AFG3L2: variants seen among roughly 807,000 people sequenced by gnomAD.
The protein encoded by AFG3L2 is AFG3 like matrix AAA peptidase subunit 2.
In AFG3L2, 54 loss-of-function variants were observed where a neutral mutation model predicts 94.5. That is an observed-to-expected ratio of 0.57 (90% CI 0.46 to 0.72). The LOEUF is 0.72. Ranked by LOEUF, AFG3L2 falls within the 30% of genes least tolerant of loss-of-function variation. The probability of loss-of-function intolerance (pLI) is 0.00; values close to 1 mark genes in which losing one functional copy is unlikely to be tolerated. For synonymous variants in AFG3L2, 377 were observed against 365.5 expected (o/e 1.03, Z -0.36); for missense variants, 754 against 994.9 (o/e 0.76, Z 3.26).
intron 13 of AFG3L2, among the ~76,000 whole-genome samples, chr18:12,346,918 A>G (rs1908157589): frequency 1.3e-5 from 2 of 148,468 alleles, no homozygotes; most frequent in African/African-American, 5.0e-5. Context: ...AAAAAAAAAA[A>G]AAAAAAAAAG....
Position 12,367,047 on chromosome 18 carries a change from A to C in AFG3L2, c.470T>G (p.Val157Gly). The C allele has an allele frequency of 6.2e-7, 1 of 1,614,038 alleles. No individual in the cohort carries two copies. The highest frequency in any genetic ancestry group is 8.5e-7 in the Non-Finnish European group (1 of 1,180,004). Reference sequence around the variant, plus strand: ...TCTCTTGAGCAGCAAGTAAAACATGACTCCACCCCAGAACAGAGCAGTCCA... The same window carrying C: ...TCTCTTGAGCAGCAAGTAAAACATGCCTCCACCCCAGAACAGAGCAGTCCA... ...FLWTALFWGG[V>G]MFYLLLKRSG... is the part of the protein sequence containing the mutation. Residue 157 changes from valine (V) to glycine (G), a missense_variant, in exon 5 of 17, where the codon GTC (valine) becomes GGC (glycine). Coordinates refer to ENST00000269143, the MANE Select transcript of AFG3L2 (RefSeq NM_006796.3).
intron 15 of AFG3L2, among the ~76,000 whole-genome samples, chr18:12,338,649 G>T (rs147062722): frequency 6.6e-6 from 1 of 152,082 alleles, no homozygotes; most frequent in Admixed American, 6.6e-5. Context: ...TCCCACCTAA[G>T]AGAGCAGCAG....
intron 16 of AFG3L2, among the ~76,000 whole-genome samples, chr18:12,335,880 G>A (rs768533283): frequency 4.6e-5 from 7 of 152,210 alleles, no homozygotes; most frequent in African/African-American, 1.2e-4. Flanking sequence ...TTTGTGCACC[G>A]ACAGCATGGA....
At chr18:12,343,980 T>C in intron 14 of AFG3L2, 152 bp downstream of exon 14, 1 of 692,732 alleles carries the variant, frequency 1.4e-6, no homozygotes, top group South Asian at 1.6e-5. Context: ...ATGGGACGGT[T>C]TGTGCAACTA....
At chr18:12,340,527 A>G (rs934909846) in intron 14 of AFG3L2, 126 bp from the exon 15 acceptor site, 12 of 788,708 alleles carry the variant, frequency 1.5e-5, no homozygotes, top group Middle Eastern at 2.6e-4. Flanking sequence ...CATCAGCCTT[A>G]GTGGGATGTG....
Position 12,329,103 on chromosome 18 carries a change from C to A in AFG3L2, c.*462G>T. On this transcript the variant is annotated 3_prime_UTR_variant, in exon 17 of 17. Coordinates refer to ENST00000269143, the MANE Select transcript of AFG3L2 (RefSeq NM_006796.3). ...GGATTCAATCTTTAAAATATTAAGT[C>A]AAATTAAAATGTTCTTATCAAGACT... The A allele has an allele frequency of 1.4e-6, 1 of 702,258 alleles. No homozygotes were observed. Among genetic ancestry groups the A allele is most frequent in the South Asian group, 1.5e-5 (1 of 67,472 alleles). The allele number at this position is 702,258 out of a possible 1,614,324, so 43.5% of individuals were successfully genotyped here.
chr18:12,329,685 T>A lies in AFG3L2; in HGVS notation c.2274A>T (p.Glu758Asp). Residue 758 changes from glutamate (E) to aspartate (D), a missense_variant, in exon 17 of 17, where the codon GAA becomes GAT. Physicochemically the swap from Glu to Asp is conservative, Grantham distance 45 (BLOSUM62 2). Transcript: ENST00000269143. ...RPFAEKSTYE[E>D]FVEGTGSLDE... is the part of the protein sequence containing the mutation. ...CCAAGCTGCCAGTGCCTTCCACAAA[T>A]TCTTCATAGGTAGATTTTTCCGCAA... 1.2e-6 allele frequency: 2 copies of A among 1,614,186 alleles called. No individual in the cohort carries two copies. Among genetic ancestry groups the A allele is most frequent in the Non-Finnish European group, 1.7e-6 (2 of 1,180,034 alleles).
In AFG3L2 at chr18:12,377,109, G is replaced by A. The variant is rs1005754578; in HGVS notation, c.-27C>T. ...GCCGCCGCCGTGGCCCTCTCGGCCC[G>A]GGACGCTGCGCAGGCGCGGGCAGGC... On this transcript the variant is annotated 5_prime_UTR_variant, in exon 1 of 17. Transcript: ENST00000269143. 1.5e-6 allele frequency: 2 copies of A among 1,374,456 alleles called. No individual in the cohort carries two copies. The highest frequency in any genetic ancestry group is 1.9e-6 in the Non-Finnish European group (2 of 1,057,584). 85.1% of individuals were successfully genotyped at this position (1,374,456 alleles called of 1,614,324 possible).
intron 16 of AFG3L2, among the ~76,000 whole-genome samples, chr18:12,332,968 T>A (rs1234169017): frequency 4.5e-4 from 14 of 30,838 alleles, no homozygotes; most frequent in East Asian, 6.9e-4. Flanking sequence ...CTATAATATA[T>A]TATATATTAT....
At position 12,351,164 on chromosome 18, in the gene AFG3L2, G is replaced by C; in HGVS notation, c.1473C>G (p.Leu491=). ...KGRASIFKVH[L]RPLKLDSTLE... ...GGGTACTGTCCAGTTTTAGCGGTCG[G>C]AGATGAACTTTGAAAATAGAAGCTC... The change falls in exon 12 of 17, where the codon CTC becomes CTG. Residue 491 remains leucine (L), a synonymous_variant. Coordinates refer to ENST00000269143, the MANE Select transcript of AFG3L2 (RefSeq NM_006796.3). 1.2e-6 allele frequency: 2 copies of C among 1,614,066 alleles called. 1 individual carries two copies. The highest frequency in any genetic ancestry group is 2.2e-5 in the South Asian group (2 of 91,062).
intron 5 of AFG3L2, 100 bp downstream of exon 5, chr18:12,366,865 T>C (rs1481160848): frequency 2.0e-6 from 3 of 1,488,698 alleles, no homozygotes; most frequent in East Asian, 2.3e-5. Context: ...AATTTTACAA[T>C]GGACGAGCCA....
At chr18:12,346,661 T>C (rs1465161443) in intron 13 of AFG3L2, among the ~76,000 whole-genome samples, 1 of 152,130 alleles carries the variant, frequency 6.6e-6, no homozygotes, top group Non-Finnish European at 1.5e-5. Flanking sequence ...CCGAACACTT[T>C]GGGAGGCCGA....
chr18:12,340,747 C>T (rs1568135267), intron 14 of AFG3L2, among the ~76,000 whole-genome samples: 1 of 152,192 alleles, frequency 6.6e-6, no homozygotes, highest in Non-Finnish European at 1.5e-5. Context: ...AAGCGCCCAC[C>T]ACCAGGCCTG....
At chr18:12,341,719 T>A (rs1192140364) in intron 14 of AFG3L2, 4 of 152,206 alleles carry the variant, frequency 2.6e-5, no homozygotes, top group Admixed American at 2.6e-4. Flanking sequence ...GTAGTAACAG[T>A]CCTTGCATGG....
chr18:12,343,223 A>C (rs1908011420), intron 14 of AFG3L2: 1 of 152,218 alleles, frequency 6.6e-6, no homozygotes, highest in Non-Finnish European at 1.5e-5. Context: ...TGAATTTTTA[A>C]AATTTCATTT....
intron 1 of AFG3L2, among the ~76,000 whole-genome samples, chr18:12,374,577 G>A (rs372554745): frequency 2.0e-5 from 3 of 152,194 alleles, no homozygotes; most frequent in East Asian, 3.9e-4. Flanking sequence ...CACACCCTCC[G>A]CAAATCAATC....
Position 12,344,180 on chromosome 18 carries a change from G to T in AFG3L2, c.1731C>A (p.Gly577=). 6.2e-7 allele frequency: 1 copy of T among 1,614,048 alleles called. No homozygotes were observed. Among genetic ancestry groups the T allele is most frequent in the Non-Finnish European group, 8.5e-7 (1 of 1,180,040 alleles). The change falls in exon 14 of 17, where the codon GGC becomes GGA. Residue 577 remains glycine, a synonymous_variant. Coordinates refer to ENST00000269143, the MANE Select transcript of AFG3L2 (RefSeq NM_006796.3). The stretch of plus-strand genomic sequence containing the variant: ...CCAGATACCAGCCGGCAACCGCATG[G>T]CCTGCTTCGTGGTATGCCACAGTCT... ...EKKTVAYHEA[G]HAVAGWYLEH... is the part of the protein sequence containing the mutation.
intron 1 of AFG3L2, 142 bp from the exon 2 acceptor site, chr18:12,371,833 G>A: frequency 1.4e-6 from 1 of 701,788 alleles, no homozygotes; most frequent in Non-Finnish European, 2.5e-6. Flanking sequence ...CTCCCTTAGT[G>A]AGGACTAGGA....
chr18:12,368,923 C>T (rs1908892441), intron 3 of AFG3L2, among the ~76,000 whole-genome samples: 1 of 152,074 alleles, frequency 6.6e-6, no homozygotes, highest in Non-Finnish European at 1.5e-5. Context: ...CTAATGTCTT[C>T]AGTGACCATG....
Sources: gnomAD v4.1 joint callset for allele counts (sites outside exome capture counted in the v4.1 genomes callset) on GRCh38, gnomAD v4.1.1 for gene constraint, MANE v1.5 for transcripts, NCBI Gene and HGNC (gene_info 2026-07-23, HGNC 2026-07-21) for gene names.